The following SLC26A7 variants were observed in gnomAD, a reference collection of about 807,000 sequenced individuals.
The protein encoded by SLC26A7 is anion exchange transporter.
Under a neutral mutation model 82.5 loss-of-function variants are expected in SLC26A7, and 59 were observed. That is an observed-to-expected ratio of 0.72 (90% CI 0.58 to 0.89). The LOEUF (loss-of-function observed/expected upper bound fraction) is 0.89. SLC26A7 is among the 40% of genes least tolerant of loss of function. The pLI, the probability that SLC26A7 is intolerant of heterozygous loss-of-function variation, is 0.00. For synonymous variants in SLC26A7, 271 were observed against 274.3 expected (o/e 0.99, Z 0.12); for missense variants, 820 against 793.0 (o/e 1.03, Z -0.41).
intron 1 of SLC26A7, among the ~76,000 whole-genome samples, chr8:91,214,397 A>G (rs1387589729): frequency 6.6e-6 from 1 of 152,196 alleles, no homozygotes; most frequent in East Asian, 1.9e-4. Context: ...CTTCTTCAGT[A>G]TGTTATTTGA....
chr8:91,327,278 A>C (rs554367706), intron 5 of SLC26A7, among the ~76,000 whole-genome samples: 1 of 152,314 alleles, frequency 6.6e-6, no homozygotes, highest in Non-Finnish European at 1.5e-5. Context: ...AAATATAATT[A>C]ATATAATTTC....
At chr8:91,316,988 TAAAAAAAAAAAA>T (rs61581659) in intron 4 of SLC26A7, among the ~76,000 whole-genome samples, 3 of 15,540 alleles carry the variant, frequency 1.9e-4, no homozygotes, top group Admixed American at 1.3e-3. Context: ...ACCCTGTCTC[TAAAAAAAAAAAA>T]AAAAAAAAAA....
At chr8:91,252,386 T>C (rs1474068929) in intron 2 of SLC26A7, among the ~76,000 whole-genome samples, 2 of 152,114 alleles carry the variant, frequency 1.3e-5, no homozygotes, top group African/African-American at 2.4e-5. Flanking sequence ...ATCTTTACTT[T>C]ATTAAAGATT....
At chr8:91,284,736 C>A (rs910511040) in intron 2 of SLC26A7, among the ~76,000 whole-genome samples, 2 of 152,162 alleles carry the variant, frequency 1.3e-5, no homozygotes, top group Non-Finnish European at 2.9e-5. Flanking sequence ...ACCTCATAAC[C>A]TTCTTTAGAA....
At chr8:91,253,043 CTGAA>C (rs1177342126) in intron 2 of SLC26A7, among the ~76,000 whole-genome samples, 1 of 152,080 alleles carries the variant, frequency 6.6e-6, no homozygotes, top group African/African-American at 2.4e-5. Context: ...TCAAAACAAA[CTGAA>C]TGTAACCTCC....
chr8:91,357,951 A>G (rs36128721), intron 11 of SLC26A7, among the ~76,000 whole-genome samples: 25,261 of 152,244 alleles, frequency 0.17, 2,466 homozygotes, highest in Middle Eastern at 0.28. Flanking sequence ...TGGGCAAAGG[A>G]CATGAATAGA....
chr8:91,245,087 C>T (rs777219865), upstream of SLC26A7, among the ~76,000 whole-genome samples: 46 of 152,030 alleles, frequency 3.0e-4, no homozygotes, highest in Non-Finnish European at 4.7e-4. Context: ...TATATATGTG[C>T]GTCCATATTT....
intron 4 of SLC26A7, among the ~76,000 whole-genome samples, chr8:91,299,415 G>GA (rs1812101368): frequency 7.7e-6 from 1 of 129,962 alleles, no homozygotes. Flanking sequence ...AGACTTCCAT[G>GA]ATTTATTTTT....
intron 11 of SLC26A7, 22 bp downstream of exon 11, chr8:91,353,018 AAC>A: frequency 6.5e-7 from 1 of 1,529,362 alleles, no homozygotes; most frequent in Non-Finnish European, 9.0e-7. Flanking sequence ...TTTGACCTAA[AAC>A]AATCCCTTTT....
At chr8:91,279,348 G>A (rs555525769) in intron 2 of SLC26A7, among the ~76,000 whole-genome samples, 1 of 151,620 alleles carries the variant, frequency 6.6e-6, no homozygotes, top group East Asian at 1.9e-4. Context: ...GAAGTTCTAT[G>A]TTTAATTTTT....
chr8:91,267,036 T>C (rs1370025142), intron 2 of SLC26A7, among the ~76,000 whole-genome samples: 1 of 151,942 alleles, frequency 6.6e-6, no homozygotes, highest in African/African-American at 2.4e-5. Flanking sequence ...TGATGTATTA[T>C]GTCTACTGGT....
chr8:91,271,876 G>A (rs1457029261), intron 2 of SLC26A7, among the ~76,000 whole-genome samples: 1 of 152,168 alleles, frequency 6.6e-6, no homozygotes, highest in African/African-American at 2.4e-5. Context: ...TTACAGGCGT[G>A]AGCCACAGCG....
Position 91,351,860 on chromosome 8 carries a change from A to T in SLC26A7, c.1191A>T (p.Ile397=). 1 of 1,612,564 alleles carries T rather than the reference A, an allele frequency of 6.2e-7. No individual in the cohort carries two copies. The highest frequency in any genetic ancestry group is 1.1e-5 in the South Asian group (1 of 91,032). Reference sequence around the variant, plus strand: ...TCGTCCTTATAGTCATCTATGCAATAGGACCTTTGCTTTACTGGCTGCCCA... The same window carrying T: ...TCGTCCTTATAGTCATCTATGCAATTGGACCTTTGCTTTACTGGCTGCCCA... ...CIFVLIVIYA[I]GPLLYWLPMC... Residue 397 remains isoleucine (I), a synonymous_variant, in exon 10 of 19, where the codon ATA becomes ATT. Coordinates refer to ENST00000276609, the MANE Select transcript of SLC26A7 (RefSeq NM_052832.4).
chr8:91,394,584 G>A, intron 18 of SLC26A7: 2 of 1,192,134 alleles, frequency 1.7e-6, no homozygotes, highest in Non-Finnish European at 2.1e-6. Flanking sequence ...CTTGAGTTTT[G>A]AATTGTTTTG....
chr8:91,292,149 C>T (rs1811887525), intron 3 of SLC26A7, among the ~76,000 whole-genome samples: 2 of 151,806 alleles, frequency 1.3e-5, no homozygotes, highest in South Asian at 4.2e-4. Context: ...ACTAAAAATA[C>T]AAAAAATTAG....
intron 4 of SLC26A7, among the ~76,000 whole-genome samples, chr8:91,313,022 T>C (rs1000074172): frequency 2.2e-4 from 33 of 152,178 alleles, no homozygotes; most frequent in Middle Eastern, 3.2e-3. Flanking sequence ...TAGTTTTTGG[T>C]GCCCATGCTT....
At chr8:91,390,225 T>C (rs1267865921) in intron 16 of SLC26A7, among the ~76,000 whole-genome samples, 1 of 151,356 alleles carries the variant, frequency 6.6e-6, no homozygotes, top group East Asian at 2.0e-4. Context: ...CACGCCATTC[T>C]CCTGCCTCAG....
chr8:91,390,252 G>T (rs1438938963), intron 16 of SLC26A7, among the ~76,000 whole-genome samples: 1 of 151,928 alleles, frequency 6.6e-6, no homozygotes, highest in African/African-American at 2.4e-5. Context: ...GAGTAGCTGG[G>T]ACTACAGGCA....
At chr8:91,336,926 A>T (rs1813259873) in intron 6 of SLC26A7, among the ~76,000 whole-genome samples, 2 of 152,130 alleles carry the variant, frequency 1.3e-5, no homozygotes, top group Admixed American at 1.3e-4. Flanking sequence ...TTTCATGATG[A>T]TTATGAACAA....
Sources: allele counts gnomAD v4.1 joint callset (sites outside exome capture counted in the v4.1 genomes callset), GRCh38; gene constraint gnomAD v4.1.1; transcripts MANE v1.5; gene names NCBI Gene and HGNC (gene_info 2026-07-23, HGNC 2026-07-21).